Variants in DLGAP5 observed in about 807,000 individuals in gnomAD.
DLGAP5 encodes the protein DLG associated protein 5.
DLGAP5 carries 90 observed loss-of-function variants against 99.6 expected under a neutral mutation model. The ratio of observed to expected loss-of-function variants is 0.90; its 90% CI spans 0.76 to 1.08. The LOEUF is 1.08. DLGAP5 is among the 50% of genes least tolerant of loss of function. The pLI is 0.00. For synonymous variants in DLGAP5, 311 were observed against 321.3 expected, an observed-to-expected ratio of 0.97 and a Z score of 0.34; for missense variants, 1,036 against 983.5, an observed-to-expected ratio of 1.05 and a Z score of -0.71.
At chr14:55,176,049 A>C (rs768401763) in intron 8 of DLGAP5, 31 bp from the exon 9 acceptor site, 13 of 1,581,564 alleles carry the variant, frequency 8.2e-6, no homozygotes, top group Middle Eastern at 1.7e-4. Flanking sequence ...ATACTTCATG[A>C]AACATGAACT....
Position 55,189,070 on chromosome 14 carries a change from T to C in DLGAP5, c.110A>G (p.Lys37Arg), listed in dbSNP as rs750984995. 40 of 1,613,914 alleles carry C rather than the reference T, an allele frequency of 2.5e-5. No individual in the cohort carries two copies. The highest frequency in any genetic ancestry group is 3.1e-5 in the Non-Finnish European group (37 of 1,179,968). Residue 37 changes from lysine to arginine, a missense_variant, in exon 2 of 19, where the codon AAG becomes AGG. Coordinates refer to ENST00000247191, the MANE Select transcript of DLGAP5 (RefSeq NM_014750.5). ...KSLSQKENRH[K>R]EYERNRHFGL... is the part of the protein sequence containing the mutation. ...AAAGTGTCTATTTCGTTCGTATTCC[T>C]TATGTCTATTTTCTTTCTGAGACAG...
intron 10 of DLGAP5, among the ~76,000 whole-genome samples, chr14:55,173,252 T>C (rs1335268092): frequency 1.7e-5 from 2 of 114,522 alleles, no homozygotes; most frequent in African/African-American, 6.2e-5. Context: ...TTGGGCAATA[T>C]CATAAGACCC....
intron 8 of DLGAP5, among the ~76,000 whole-genome samples, chr14:55,176,337 T>C (rs1201963160): frequency 2.0e-5 from 3 of 152,218 alleles, no homozygotes; most frequent in Non-Finnish European, 4.4e-5. Context: ...GCCTTTTCTT[T>C]TAAAGGTTCC....
chr14:55,170,022 C>G (rs977027624), intron 11 of DLGAP5, among the ~76,000 whole-genome samples: 3 of 152,124 alleles, frequency 2.0e-5, no homozygotes, highest in African/African-American at 7.2e-5. Context: ...ATAATCCCAG[C>G]CACTTGGGAG....
At chr14:55,171,127 T>C (rs1041033539) in intron 10 of DLGAP5, among the ~76,000 whole-genome samples, 14 of 152,208 alleles carry the variant, frequency 9.2e-5, no homozygotes, top group Admixed American at 6.5e-4. Context: ...CAGCATTGTC[T>C]ATGAAACTAA....
intron 12 of DLGAP5, among the ~76,000 whole-genome samples, chr14:55,166,019 A>C (rs1882631430): frequency 6.6e-6 from 1 of 152,238 alleles, no homozygotes; most frequent in South Asian, 2.1e-4. Flanking sequence ...GTTAAACATA[A>C]ATTTACAATA....
intron 15 of DLGAP5, 79 bp downstream of exon 15, chr14:55,154,538 C>A: frequency 8.2e-7 from 1 of 1,213,904 alleles, no homozygotes; most frequent in East Asian, 2.3e-5. Flanking sequence ...ATGTCTGGCA[C>A]CTTTTACCAT....
At chr14:55,176,705 G>A (rs573529918) in intron 8 of DLGAP5, among the ~76,000 whole-genome samples, 22 of 152,140 alleles carry the variant, frequency 1.4e-4, no homozygotes, top group East Asian at 1.9e-4. Context: ...TTGGCCGGGC[G>A]CGGTGGCTCA....
Position 55,183,670 on chromosome 14 carries a change from C to T in DLGAP5, c.322G>A (p.Glu108Lys). The change falls in exon 3 of 19, where the codon GAG (glutamate) becomes AAG (lysine). Residue 108 changes from glutamate to lysine, a missense_variant. By Grantham distance (56) the Glu-to-Lys change is moderately conservative. Coordinates refer to ENST00000247191, the MANE Select transcript of DLGAP5 (RefSeq NM_014750.5). ...KEEKQLQKLK[E>K]QREKAKRGIF... ...CCTCGTTTAGCTTTCTCTCTCTGCTCTTTCAATTTTTGAAGTTGCTTTTCT... is the reference window on the plus strand; with the variant it reads ...CCTCGTTTAGCTTTCTCTCTCTGCTTTTTCAATTTTTGAAGTTGCTTTTCT... The T allele has an allele frequency of 1.2e-6, 2 of 1,612,740 alleles. No homozygotes were observed. Among genetic ancestry groups the T allele is most frequent in the Non-Finnish European group, 1.7e-6 (2 of 1,179,612 alleles).
At chr14:55,185,952 A>G (rs1883421772) in intron 2 of DLGAP5, among the ~76,000 whole-genome samples, 1 of 152,226 alleles carries the variant, frequency 6.6e-6, no homozygotes, top group Non-Finnish European at 1.5e-5. Context: ...ATCTCTAAAT[A>G]CTTTAGTATA....
At chr14:55,175,246 C>A in intron 10 of DLGAP5, 100 bp downstream of exon 10, 1 of 973,388 alleles carries the variant, frequency 1.0e-6, no homozygotes, top group Non-Finnish European at 1.5e-6. Flanking sequence ...CACCTAACAC[C>A]AGTTTTCCCC....
chr14:55,172,981 C>CAAAAAAAAAAAAAAAAAA (rs71291818), intron 10 of DLGAP5, among the ~76,000 whole-genome samples: 1 of 62,094 alleles, frequency 1.6e-5, no homozygotes, highest in Non-Finnish European at 3.0e-5. Context: ...GACTCCGTCT[C>CAAAAAAAAAAAAAAAAAA]AAAAAAAAAA....
Position 55,180,882 on chromosome 14 carries a change from G to A in DLGAP5, c.581-104C>T. On this transcript the variant is annotated intron_variant, in intron 5 of 18. Coordinates refer to ENST00000247191, the MANE Select transcript of DLGAP5 (RefSeq NM_014750.5). ...CAATGCCTGTAGTCCCAGCTACTTG[G>A]GAGGCAGGAGGATTACTTCAGCCCA... The A allele has an allele frequency of 4.2e-6, 6 of 1,414,984 alleles. No homozygotes were observed. The South Asian group carries it at 6.3e-5, about 15-fold the overall frequency. 87.7% of individuals were successfully genotyped at this position (1,414,984 alleles called of 1,614,324 possible). A position where few individuals can be genotyped will look rare whatever the true frequency, so the allele number is the denominator to read the frequency against.
chr14:55,168,510 T>C (rs958405187), intron 12 of DLGAP5, among the ~76,000 whole-genome samples: 3 of 152,240 alleles, frequency 2.0e-5, no homozygotes, highest in Non-Finnish European at 4.4e-5. Context: ...TGTTGGCTGT[T>C]GGTTCTTGAA....
chr14:55,170,413 CTTGG>C (rs1277072150), intron 11 of DLGAP5, among the ~76,000 whole-genome samples: 1 of 151,822 alleles, frequency 6.6e-6, no homozygotes, highest in Admixed American at 6.5e-5. Flanking sequence ...CTGTTACTTG[CTTGG>C]TTGGTTAGAA....
At position 55,176,870 on chromosome 14, in the gene DLGAP5, T is replaced by C. The variant is rs943633156; in HGVS notation, c.1049+192A>G. On this transcript the variant is annotated intron_variant, in intron 8 of 18. Transcript: ENST00000247191. The stretch of plus-strand genomic sequence containing the variant: ...ACGGGCGCCTGTAGTCCCAGCTACT[T>C]GAGAGGCTGAGGCAGAAGAATGGCG... 2.7e-5 allele frequency among the ~76,000 whole-genome samples: 4 copies of C among 148,266 alleles called. No individual in the cohort carries two copies. In the East Asian group the frequency reaches 8.0e-4, roughly 30 times the overall value.
chr14:55,179,684 C>A lies in DLGAP5; in HGVS notation c.719G>T (p.Gly240Val). The change falls in exon 7 of 19, where the codon GGA (glycine) becomes GTA (valine). Residue 240 changes from glycine (G) to valine (V), a missense_variant. By Grantham distance (109) the Gly-to-Val change is moderately radical (BLOSUM62 -3). Coordinates refer to ENST00000247191, the MANE Select transcript of DLGAP5 (RefSeq NM_014750.5). ...AGGTCTTCCTTTACTTGGCACCTTT[C>A]CTTCTGGTTCGTTTTCTAAAACAAC... is the stretch of plus-strand genomic sequence containing the variant. ...TRAANENEPEGKVPSKGRPAK... is the reference protein window; with the variant it reads ...TRAANENEPEVKVPSKGRPAK... 6.2e-7 allele frequency: 1 copy of A among 1,610,808 alleles called. No homozygotes were observed. The highest frequency in any genetic ancestry group is 8.5e-7 in the Non-Finnish European group (1 of 1,178,778).
intron 17 of DLGAP5, 123 bp downstream of exon 17, chr14:55,151,572 T>G: frequency 9.1e-7 from 1 of 1,098,738 alleles, no homozygotes. Context: ...GGGTCTTCAC[T>G]AACAATGAAG....
intron 11 of DLGAP5, 131 bp from the exon 12 acceptor site, chr14:55,169,690 A>G: frequency 1.5e-6 from 1 of 680,350 alleles, no homozygotes; most frequent in South Asian, 2.4e-5. Context: ...AAAAATATCT[A>G]CCACAAAACT....
Sources: gnomAD v4.1 joint callset for allele counts (sites outside exome capture counted in the v4.1 genomes callset) on GRCh38, gnomAD v4.1.1 for gene constraint, MANE v1.5 for transcripts, NCBI Gene and HGNC (gene_info 2026-07-23, HGNC 2026-07-21) for gene names.